EPHA6: variants seen among roughly 807,000 people sequenced by gnomAD.
EPHA6 encodes the protein EPH receptor A6, also known as ephrin type-A receptor 6.
EPHA6 carries 50 observed loss-of-function variants against 112.0 expected under a neutral mutation model. That is an observed-to-expected ratio of 0.45 (90% CI 0.36 to 0.56). The LOEUF (loss-of-function observed/expected upper bound fraction) is 0.56. Among genes scored for constraint, EPHA6 ranks in the 20% least tolerant of loss-of-function variants. EPHA6 has a pLI of 0.00. For missense variants in EPHA6, 1,280 were observed against 1,417.4 expected (o/e 0.90, Z 1.56); for synonymous variants, 529 against 490.7 (o/e 1.08, Z -1.03).
chr3:97,468,496 G>T (rs2091129227), intron 7 of EPHA6, among the ~76,000 whole-genome samples: 1 of 148,950 alleles, frequency 6.7e-6, no homozygotes, highest in Non-Finnish European at 1.5e-5. Flanking sequence ...TTTCCTTTGA[G>T]TAGATAGCAT....
intron 5 of EPHA6, among the ~76,000 whole-genome samples, chr3:97,379,963 G>T (rs552295925): frequency 1.3e-5 from 2 of 152,146 alleles, no homozygotes; most frequent in South Asian, 4.2e-4. Context: ...AACTAATAAT[G>T]TGGCAGACAA....
At chr3:97,109,676 CAAG>C (rs1344902017) in intron 3 of EPHA6, among the ~76,000 whole-genome samples, 4 of 152,040 alleles carry the variant, frequency 2.6e-5, no homozygotes. Flanking sequence ...ATGGAGATGT[CAAG>C]AAGATGTGCA....
chr3:97,158,288 A>G (rs202123344), intron 3 of EPHA6, among the ~76,000 whole-genome samples: 1 of 152,032 alleles, frequency 6.6e-6, no homozygotes, highest in African/African-American at 2.4e-5. Flanking sequence ...CACACACACA[A>G]ATTTATTACA....
chr3:96,909,147 A>G (rs566557228), intron 2 of EPHA6, among the ~76,000 whole-genome samples: 45 of 152,090 alleles, frequency 3.0e-4, no homozygotes, highest in African/African-American at 1.1e-3. Context: ...AAAATCATAT[A>G]GTTTGGAAAG....
intron 6 of EPHA6, among the ~76,000 whole-genome samples, chr3:97,441,678 G>T (rs13322094): frequency 0.047 from 7,098 of 152,050 alleles, 500 homozygotes; most frequent in African/African-American, 0.15. Context: ...TACTTTTTGT[G>T]ATATATTTAG....
chr3:96,891,022 G>A (rs1361629468), intron 2 of EPHA6, among the ~76,000 whole-genome samples: 1 of 152,214 alleles, frequency 6.6e-6, no homozygotes, highest in African/African-American at 2.4e-5. Flanking sequence ...TGTGGAGGTT[G>A]CAGTGAGCTG....
chr3:97,105,567 CT>C (rs2047541913), intron 3 of EPHA6, among the ~76,000 whole-genome samples: 1 of 152,052 alleles, frequency 6.6e-6, no homozygotes, highest in African/African-American at 2.4e-5. Context: ...TATTTTCTGT[CT>C]GATTGTGTGA....
At chr3:97,029,650 T>G (rs908149785) in intron 3 of EPHA6, among the ~76,000 whole-genome samples, 1 of 152,178 alleles carries the variant, frequency 6.6e-6, no homozygotes, top group African/African-American at 2.4e-5. Flanking sequence ...AGTAATATTT[T>G]GTAACTCTGT....
intron 3 of EPHA6, among the ~76,000 whole-genome samples, chr3:97,080,837 A>C (rs752872299): frequency 1.1e-4 from 17 of 151,966 alleles, no homozygotes; most frequent in Non-Finnish European, 2.2e-4. Context: ...CACATATTTC[A>C]ATTTTTTTGG....
intron 5 of EPHA6, among the ~76,000 whole-genome samples, chr3:97,381,149 G>A (rs1215445295): frequency 2.0e-5 from 3 of 151,766 alleles, no homozygotes; most frequent in Non-Finnish European, 4.4e-5. Flanking sequence ...AAGAAACAAA[G>A]CACATTTTAA....
chr3:97,486,136 G>C lies in EPHA6; in HGVS notation c.2200+2077G>C, dbSNP rs1398594148. 3.9e-5 allele frequency among the ~76,000 whole-genome samples: 6 copies of C among 152,194 alleles called. No individual in the cohort carries two copies. The East Asian group carries it at 1.2e-3, about 29-fold the overall frequency. On this transcript the variant is annotated intron_variant, in intron 10 of 17. Transcript: ENST00000389672. ...TTTTAATTTCATTTTTCCACCTGCT[G>C]TCCCTGAACTCTAATAAGTCATAAT...
intron 11 of EPHA6, among the ~76,000 whole-genome samples, chr3:97,540,812 G>A (rs1287100330): frequency 6.6e-6 from 1 of 152,036 alleles, no homozygotes; most frequent in Non-Finnish European, 1.5e-5. Context: ...GCCATCTAAA[G>A]GATGAAATCT....
rs536308034 is a variant in EPHA6 at position 96,965,999 on chromosome 3, GTTA to G, written c.451-21328_451-21326del. ...ATTCTGTTCCATGATCTATTTCTCT[GTTA>G]TTGTGTTAGTGAACAAAATTTTATT... On this transcript the variant is annotated intron_variant, in intron 2 of 17. Transcript: ENST00000389672. Among the ~76,000 whole-genome samples, 522 of 151,994 alleles carry G rather than the reference GTTA, an allele frequency of 3.4e-3. 5 individuals carry two copies. The highest frequency in any genetic ancestry group is 0.012 in the African/African-American group (484 of 41,468).
At chr3:96,882,587 C>T (rs529989647) in intron 2 of EPHA6, among the ~76,000 whole-genome samples, 1 of 152,268 alleles carries the variant, frequency 6.6e-6, no homozygotes, top group South Asian at 2.1e-4. Context: ...GCTTTGCTCC[C>T]ATGTATCAGT....
chr3:97,619,254 G>T (rs916834262), intron 13 of EPHA6, among the ~76,000 whole-genome samples: 5 of 151,926 alleles, frequency 3.3e-5, no homozygotes, highest in African/African-American at 1.2e-4. Flanking sequence ...GGTATTGAAG[G>T]AATATGCCTC....
chr3:97,635,633 G>C (rs147708152), intron 13 of EPHA6, among the ~76,000 whole-genome samples: 32 of 152,116 alleles, frequency 2.1e-4, no homozygotes, highest in African/African-American at 7.2e-4. Flanking sequence ...CTGGTTGCCC[G>C]GGGTGGTGGG....
At position 97,749,974 on chromosome 3, in the gene EPHA6, T is replaced by C. The variant is rs2035855495; in HGVS notation, c.*1273T>C. On this transcript the variant is annotated 3_prime_UTR_variant, in exon 18 of 18. Transcript: ENST00000389672. ...AGTTACATAAAAATGAGAACACAGC[T>C]GTGTTGTCATAATCTTCTGAGAGGC... Among the ~76,000 whole-genome samples, 1 of 152,176 alleles carries C rather than the reference T, an allele frequency of 6.6e-6. No individual in the cohort carries two copies.
Position 97,496,217 on chromosome 3 carries a change from G to T in EPHA6, c.2200+12158G>T, listed in dbSNP as rs190219066. Among the ~76,000 whole-genome samples the T allele has an allele frequency of 7.2e-5, 11 of 152,226 alleles. No individual in the cohort carries two copies. In the East Asian group the frequency reaches 1.4e-3, roughly 19 times the overall value. On this transcript the variant is annotated intron_variant, in intron 10 of 17. Transcript: ENST00000389672. Reference sequence around the variant, plus strand: ...ATGCAGTTCCTTGTTCACATGGAAAGCTCTGATATTCTCTTCCTGCCAAAA... The same window carrying T: ...ATGCAGTTCCTTGTTCACATGGAAATCTCTGATATTCTCTTCCTGCCAAAA...
intron 3 of EPHA6, among the ~76,000 whole-genome samples, chr3:97,025,828 T>G (rs1396088190): frequency 6.6e-6 from 1 of 152,082 alleles, no homozygotes; most frequent in Non-Finnish European, 1.5e-5. Flanking sequence ...GACGTCATGA[T>G]CTGCCCTCCT....
Sources: gnomAD v4.1 joint callset for allele counts (sites outside exome capture counted in the v4.1 genomes callset) on GRCh38, gnomAD v4.1.1 for gene constraint, MANE v1.5 for transcripts, NCBI Gene and HGNC (gene_info 2026-07-23, HGNC 2026-07-21) for gene names.